The following TFEB variants were observed in gnomAD, a reference collection of about 807,000 sequenced individuals.
The protein encoded by TFEB is transcription factor EB.
TFEB carries 12 observed loss-of-function variants against 48.0 expected under a neutral mutation model. The observed-to-expected ratio is 0.25, with a 90% CI of 0.16 to 0.40. TFEB has a LOEUF of 0.40. TFEB is among the 10% of genes least tolerant of loss of function. TFEB has a pLI of 1.00. For synonymous variants in TFEB, 244 were observed against 261.4 expected (o/e 0.93, Z 0.64); for missense variants, 509 against 640.3 (o/e 0.79, Z 2.21).
Position 41,687,270 on chromosome 6 carries a change from T to A in TFEB, c.728-101A>T, listed in dbSNP as rs536201809. The A allele has an allele frequency of 4.7e-5, 46 of 975,698 alleles. No homozygotes were observed. In the East Asian group the frequency reaches 1.1e-3, roughly 23 times the overall value. 60.4% of individuals were successfully genotyped at this position (975,698 alleles called of 1,614,324 possible). A position where few individuals can be genotyped will look rare whatever the true frequency, so the allele number is the denominator to read the frequency against. On this transcript the variant is annotated intron_variant, in intron 6 of 8. Coordinates refer to ENST00000373033, the MANE Select transcript of TFEB (RefSeq NM_001271944.2). The stretch of plus-strand genomic sequence containing the variant: ...CAGGGAGGGGTGCTTCAGGGCAGCC[T>A]GCAGCTTAGATTTAGTTCTTCCAGG...
intron 1 of TFEB, among the ~76,000 whole-genome samples, chr6:41,725,073 CG>C (rs1436832301): frequency 2.6e-5 from 4 of 152,200 alleles, no homozygotes; most frequent in Non-Finnish European, 5.9e-5. Context: ...GCTTGCTATC[CG>C]TTTTTCAGAT....
Position 41,735,354 on chromosome 6 carries a change from C to A in TFEB, c.-27G>T. 1 of 985,160 alleles carries A rather than the reference C, an allele frequency of 1.0e-6. No individual in the cohort carries two copies. Among genetic ancestry groups the A allele is most frequent in the Non-Finnish European group, 1.2e-6 (1 of 829,986 alleles). 61.0% of individuals were successfully genotyped at this position (985,160 alleles called of 1,614,324 possible). On this transcript the variant is annotated 5_prime_UTR_variant, in exon 1 of 9. Transcript: ENST00000373033. ...TCGCTCCCCGGTCCCGCTCACCTCGCTCTGAAGGTCAATCTGTCCGCCGCC... is the reference window on the plus strand; with the variant it reads ...TCGCTCCCCGGTCCCGCTCACCTCGATCTGAAGGTCAATCTGTCCGCCGCC...
At chr6:41,711,853 G>A (rs560546609) in intron 1 of TFEB, among the ~76,000 whole-genome samples, 13 of 152,344 alleles carry the variant, frequency 8.5e-5, no homozygotes, top group Non-Finnish European at 1.6e-4. Flanking sequence ...TCATGGCACC[G>A]AGCTGGGCTG....
At chr6:41,698,399 G>T (rs527503472) in intron 1 of TFEB, among the ~76,000 whole-genome samples, 25 of 152,258 alleles carry the variant, frequency 1.6e-4, no homozygotes, top group Admixed American at 1.2e-3. Flanking sequence ...GGCTGATCTC[G>T]TTCATCCAGC....
chr6:41,686,969 A>G, intron 7 of TFEB, 125 bp downstream of exon 7: 1 of 805,462 alleles, frequency 1.2e-6, no homozygotes. Flanking sequence ...CTTTTCTCAA[A>G]TAGATGAACT....
Position 41,684,659 on chromosome 6 carries a change from C to T in TFEB, c.1371G>A (p.Glu457=). Residue 457 remains glutamate, a synonymous_variant, in exon 9 of 9, where the codon GAG becomes GAA. Coordinates refer to ENST00000373033, the MANE Select transcript of TFEB (RefSeq NM_001271944.2). ...SDPLLSTMSP[E]ASKASSRRSS... ...TCCGGCGGCTGCTGGCCTTGGAGGCCTCGGGGGACATGGTGGACAGAAGTG... is the reference window on the plus strand; with the variant it reads ...TCCGGCGGCTGCTGGCCTTGGAGGCTTCGGGGGACATGGTGGACAGAAGTG... 6.2e-7 allele frequency: 1 copy of T among 1,612,334 alleles called. No individual in the cohort carries two copies. Among genetic ancestry groups the T allele is most frequent in the Non-Finnish European group, 8.5e-7 (1 of 1,179,292 alleles).
At position 41,695,673 on chromosome 6, in the gene TFEB, T is replaced by G. The variant is rs180797660; in HGVS notation, c.-22-4438A>C. ...TCCCAGCACCCCAAACTGTTCAGAG[T>G]TGTTACCGCTGGGGAGGGGAGTGGG... On this transcript the variant is annotated intron_variant, in intron 1 of 8. Coordinates refer to ENST00000373033, the MANE Select transcript of TFEB (RefSeq NM_001271944.2). Among the ~76,000 whole-genome samples the G allele has an allele frequency of 1.6e-4, 24 of 152,116 alleles. No homozygotes were observed. In the East Asian group the frequency reaches 4.6e-3, roughly 29 times the overall value.
chr6:41,697,508 C>T (rs1399050033), intron 1 of TFEB, among the ~76,000 whole-genome samples: 6 of 150,792 alleles, frequency 4.0e-5, no homozygotes, highest in Admixed American at 4.0e-4. Flanking sequence ...TCCAAACCCC[C>T]CCCCTTCCCC....
At chr6:41,688,906 C>T (rs1397087427) in intron 4 of TFEB, among the ~76,000 whole-genome samples, 1 of 152,220 alleles carries the variant, frequency 6.6e-6, no homozygotes, top group African/African-American at 2.4e-5. Context: ...GTGAAAGGCT[C>T]ATGCCCAAAG....
At chr6:41,716,139 C>G (rs1022678652) in intron 1 of TFEB, among the ~76,000 whole-genome samples, 4 of 152,192 alleles carry the variant, frequency 2.6e-5, no homozygotes, top group South Asian at 2.1e-4. Context: ...TTACTTAATC[C>G]TCACAACACT....
chr6:41,733,976 A>ACACCTCTGG, intron 1 of TFEB: 2 of 644,002 alleles, frequency 3.1e-6, no homozygotes, highest in Non-Finnish European at 3.9e-6. Flanking sequence ...CACACCCCAG[A>ACACCTCTGG]GGTGTCACTG....
chr6:41,696,693 C>CA (rs1196962940), intron 1 of TFEB, among the ~76,000 whole-genome samples: 4 of 151,186 alleles, frequency 2.6e-5, no homozygotes, highest in African/African-American at 4.9e-5. Context: ...GACTCCATCT[C>CA]AAAAAAAATA....
rs1768877049 is a variant in TFEB, at chr6:41,684,438, G to A, written c.*161C>T. ...GGTGCTTCTCCTGACCCCACAGGCT[G>A]CCAGACAGGCACTAAGTCCAAACAG... is the stretch of plus-strand genomic sequence containing the variant. On this transcript the variant is annotated 3_prime_UTR_variant, in exon 9 of 9. Transcript: ENST00000373033. 2 of 894,406 alleles carry A rather than the reference G, an allele frequency of 2.2e-6. No individual in the cohort carries two copies. Among genetic ancestry groups the A allele is most frequent in the Non-Finnish European group, 3.1e-6 (2 of 645,060 alleles). The allele number at this position is 894,406 out of a possible 1,614,324, so 55.4% of individuals were successfully genotyped here. A position where few individuals can be genotyped will look rare whatever the true frequency, so the allele number is the denominator to read the frequency against.
At chr6:41,698,318 G>A (rs756233219) in intron 1 of TFEB, among the ~76,000 whole-genome samples, 1 of 152,106 alleles carries the variant, frequency 6.6e-6, no homozygotes, top group Non-Finnish European at 1.5e-5. Context: ...CTGCATTCAG[G>A]GTGAGGGCGG....
chr6:41,728,535 C>T (rs1185615340), intron 1 of TFEB, among the ~76,000 whole-genome samples: 3 of 152,166 alleles, frequency 2.0e-5, no homozygotes. Context: ...GGCCACTCTG[C>T]ACCCCTCAGG....
intron 1 of TFEB, among the ~76,000 whole-genome samples, chr6:41,727,032 G>A (rs1438274982): frequency 6.6e-6 from 1 of 152,122 alleles, no homozygotes; most frequent in Non-Finnish European, 1.5e-5. Flanking sequence ...ACCCACAGGA[G>A]CCGACTACCA....
chr6:41,730,544 CCTT>C lies in TFEB; in HGVS notation c.-23+4803_-23+4805del, dbSNP rs1442470221. On this transcript the variant is annotated intron_variant, in intron 1 of 8. Coordinates refer to ENST00000373033, the MANE Select transcript of TFEB (RefSeq NM_001271944.2). The surrounding 1 kb of genome is among the most constrained non-coding windows in gnomAD (Gnocchi z 4.1). ...TGGGTGGCCAGACCTCATTTTTCCT[CCTT>C]AAGCCCACACTTAAGAGCCAGGAAG... 6.6e-6 allele frequency among the ~76,000 whole-genome samples: 1 copy of C among 152,282 alleles called. No homozygotes were observed. The highest frequency in any genetic ancestry group is 1.5e-5 in the Non-Finnish European group (1 of 68,010).
chr6:41,694,838 C>T (rs761354), intron 1 of TFEB, among the ~76,000 whole-genome samples: 114,627 of 151,788 alleles, frequency 0.76, 43,549 homozygotes, highest in African/African-American at 0.84. Context: ...GGATGGGGCA[C>T]TTCCCTGGAG....
In TFEB at chr6:41,690,766, G is replaced by A; in HGVS notation, c.365C>T (p.Ser122Phe). Residue 122 changes from serine to phenylalanine, a missense_variant, in exon 3 of 9, where the codon TCC (serine) becomes TTC (phenylalanine). Ser to Phe is a radical substitution (Grantham distance 155). Transcript: ENST00000373033. ...CACGTGTCCAGCTCGCACCCCTGGG[G>A]AGGCGGCTGGTGGGGGTTTCGGAGA... ...QGSPKPPPAASPGVRAGHVLS... is the reference protein window; with the variant it reads ...QGSPKPPPAAFPGVRAGHVLS... 2 of 1,610,976 alleles carry A rather than the reference G, an allele frequency of 1.2e-6. No individual in the cohort carries two copies. The highest frequency in any genetic ancestry group is 1.7e-6 in the Non-Finnish European group (2 of 1,178,232).
Sources: gnomAD v4.1 joint callset for allele counts (sites outside exome capture counted in the v4.1 genomes callset) on GRCh38, gnomAD v4.1.1 for gene constraint, Gnocchi (gnomAD v3.1) non-coding constraint, MANE v1.5 for transcripts, NCBI Gene and HGNC (gene_info 2026-07-23, HGNC 2026-07-21) for gene names.